Variants in MPHOSPH10 observed in about 807,000 individuals in gnomAD.
MPHOSPH10 encodes U3 small nucleolar ribonucleoprotein MPP10.
A neutral mutation model predicts 77.3 loss-of-function variants in MPHOSPH10; 33 were observed. The observed-to-expected ratio is 0.43, with a 90% CI of 0.32 to 0.57. The LOEUF is 0.57. Among genes scored for constraint, MPHOSPH10 ranks in the 20% least tolerant of loss-of-function variants. MPHOSPH10 has a pLI of 0.07. For synonymous variants in MPHOSPH10, 245 were observed against 268.0 expected, an observed-to-expected ratio of 0.91 and a Z score of 0.84; for missense variants, 708 against 780.1, an observed-to-expected ratio of 0.91 and a Z score of 1.10.
chr2:71,144,073 AG>A (rs924320277), intron 7 of MPHOSPH10, among the ~76,000 whole-genome samples: 94 of 152,350 alleles, frequency 6.2e-4, no homozygotes, highest in African/African-American at 2.0e-3. Context: ...CAAGGGTTCC[AG>A]TTTCTCCATC....
intron 4 of MPHOSPH10, among the ~76,000 whole-genome samples, chr2:71,135,569 A>C (rs1489192976): frequency 1.3e-5 from 2 of 151,920 alleles, no homozygotes; most frequent in Non-Finnish European, 2.9e-5. Context: ...ATTTTTAAAG[A>C]TAATTGTTTT....
intron 4 of MPHOSPH10, among the ~76,000 whole-genome samples, chr2:71,136,904 T>G (rs1673503515): frequency 3.5e-5 from 4 of 112,732 alleles, no homozygotes; most frequent in African/African-American, 1.1e-4. Flanking sequence ...CTGACAGAGG[T>G]AGCATTAAAA....
intron 7 of MPHOSPH10, among the ~76,000 whole-genome samples, chr2:71,143,833 G>GT (rs1469835350): frequency 6.6e-6 from 1 of 152,234 alleles, no homozygotes; most frequent in African/African-American, 2.4e-5. Flanking sequence ...ATTTACCACA[G>GT]TTTATCTGCT....
intron 8 of MPHOSPH10, among the ~76,000 whole-genome samples, chr2:71,145,406 A>T: frequency 6.6e-6 from 1 of 152,078 alleles, no homozygotes; most frequent in East Asian, 1.9e-4. Flanking sequence ...CTAATCTCCA[A>T]GATCCTTTAT....
intron 6 of MPHOSPH10, among the ~76,000 whole-genome samples, chr2:71,140,370 G>A (rs112033927): frequency 6.6e-6 from 1 of 152,168 alleles, no homozygotes; most frequent in Non-Finnish European, 1.5e-5. Context: ...CATGGTGAAA[G>A]GGCTGAGCAT....
At chr2:71,139,649 T>C in intron 5 of MPHOSPH10, 146 bp from the exon 6 acceptor site, 1 of 594,084 alleles carries the variant, frequency 1.7e-6, no homozygotes, top group Non-Finnish European at 3.0e-6. Flanking sequence ...TTCCCCACTT[T>C]CTGATTCAGG....
At chr2:71,135,312 GA>G (rs1673465956) in intron 4 of MPHOSPH10, among the ~76,000 whole-genome samples, 1 of 151,902 alleles carries the variant, frequency 6.6e-6, no homozygotes. Context: ...TTTCGGGGCT[GA>G]GGCAGGTGGA....
In MPHOSPH10 at chr2:71,133,559, G is replaced by A; in HGVS notation, c.751G>A (p.Gly251Arg). Reference protein sequence around the residue: ...DSDEDEGGLFGSKKLKSGKSS... With the variant: ...DSDEDEGGLFRSKKLKSGKSS... ...TGATGAAGATGAAGGGGGACTGTTT[G>A]GAAGTAAAAAACTTAAGGTAAAGTT... The change falls in exon 2 of 11, where the codon GGA becomes AGA. Residue 251 changes from glycine (G) to arginine (R), a missense_variant. By Grantham distance (125) the Gly-to-Arg change is moderately radical. Transcript: ENST00000244230. The A allele has an allele frequency of 6.3e-7, 1 of 1,581,802 alleles. No homozygotes were observed.
intron 6 of MPHOSPH10, among the ~76,000 whole-genome samples, chr2:71,140,362 T>TG (rs1673589101): frequency 6.6e-6 from 1 of 152,218 alleles, no homozygotes; most frequent in Non-Finnish European, 1.5e-5. Flanking sequence ...GGGCATCACA[T>TG]GGTGAAAGGG....
rs999030868 is a variant in MPHOSPH10, at chr2:71,149,375, A to G, written c.1818A>G (p.Gln606=). ...RKLLEKSSVD[Q]AGKYSKTVAS... Reference sequence around the variant, plus strand: ...TGCTTGAAAAGAGCAGTGTAGATCAAGCAGGGAAATACAGCAAAACAGTAG... The same window carrying G: ...TGCTTGAAAAGAGCAGTGTAGATCAGGCAGGGAAATACAGCAAAACAGTAG... The change falls in exon 10 of 11, where the codon CAA becomes CAG. Residue 606 remains glutamine, a synonymous_variant. Transcript: ENST00000244230. 4.4e-6 allele frequency: 7 copies of G among 1,580,808 alleles called. No individual in the cohort carries two copies. The highest frequency in any genetic ancestry group is 4.3e-6 in the Non-Finnish European group (5 of 1,165,018).
chr2:71,145,483 C>T (rs934667841), intron 8 of MPHOSPH10, among the ~76,000 whole-genome samples: 3 of 149,396 alleles, frequency 2.0e-5, no homozygotes, highest in South Asian at 2.1e-4. Context: ...GCTTTTTTAA[C>T]CTGGTTGTTT....
chr2:71,137,469 G>T (rs1044360027), intron 4 of MPHOSPH10, among the ~76,000 whole-genome samples: 12 of 151,876 alleles, frequency 7.9e-5, no homozygotes, highest in African/African-American at 2.9e-4. Flanking sequence ...GACCAGCCTG[G>T]GCAACATGGT....
At chr2:71,146,557 C>G (rs1673713227) in intron 8 of MPHOSPH10, among the ~76,000 whole-genome samples, 1 of 152,034 alleles carries the variant, frequency 6.6e-6, no homozygotes, top group South Asian at 2.1e-4. Flanking sequence ...AGGCTGGTCT[C>G]AAACTCCTGA....
intron 1 of MPHOSPH10, among the ~76,000 whole-genome samples, chr2:71,132,227 G>A (rs1447371999): frequency 2.6e-5 from 4 of 151,848 alleles, no homozygotes; most frequent in African/African-American, 4.8e-5. Flanking sequence ...CTCCTCCCTC[G>A]TCCCTTTCTC....
At chr2:71,131,710 G>A (rs1274408309) in intron 1 of MPHOSPH10, among the ~76,000 whole-genome samples, 1 of 152,178 alleles carries the variant, frequency 6.6e-6, no homozygotes, top group African/African-American at 2.4e-5. Context: ...GGGGTCACAA[G>A]GTACATGGTG....
intron 6 of MPHOSPH10, 28 bp downstream of exon 6, chr2:71,139,890 C>A: frequency 4.2e-6 from 6 of 1,421,470 alleles, no homozygotes; most frequent in South Asian, 1.2e-5. Context: ...TTAACTTAAT[C>A]AAAATGTCAC....
chr2:71,141,948 C>G (rs1041895662), intron 7 of MPHOSPH10, among the ~76,000 whole-genome samples: 2 of 152,224 alleles, frequency 1.3e-5, no homozygotes, highest in Non-Finnish European at 2.9e-5. Flanking sequence ...AGGGGAATTG[C>G]TTGAACCAGG....
chr2:71,135,696 CTTTTTCTTTTTTT>C (rs1477579311), intron 4 of MPHOSPH10, among the ~76,000 whole-genome samples: 2 of 143,966 alleles, frequency 1.4e-5, no homozygotes, highest in Non-Finnish European at 3.0e-5. Context: ...TTTTCTTTTT[CTTTTTCTTTTTTT>C]TTTTTTTTTT....
intron 1 of MPHOSPH10, among the ~76,000 whole-genome samples, chr2:71,131,068 G>A (rs1286688931): frequency 6.6e-6 from 1 of 152,042 alleles, no homozygotes; most frequent in African/African-American, 2.4e-5. Context: ...CCTCCTATGT[G>A]CTCTCAAAGC....
Sources: gnomAD v4.1 joint callset for allele counts (sites outside exome capture counted in the v4.1 genomes callset) on GRCh38, gnomAD v4.1.1 for gene constraint, MANE v1.5 for transcripts, NCBI Gene and HGNC (gene_info 2026-07-23, HGNC 2026-07-21) for gene names.